Variants in CDKAL1 observed in about 807,000 individuals in gnomAD.
CDKAL1 encodes the protein threonylcarbamoyladenosine tRNA methylthiotransferase.
A neutral mutation model predicts 68.2 loss-of-function variants in CDKAL1; 32 were observed. The observed-to-expected ratio is 0.47, with a 90% confidence interval of 0.35 to 0.63. The LOEUF (loss-of-function observed/expected upper bound fraction) is 0.63, where lower values mean the gene tolerates loss of function less well. Among genes scored for constraint, CDKAL1 ranks in the 30% least tolerant of loss-of-function variants. The probability of loss-of-function intolerance (pLI) is 0.00; values close to 1 mark genes in which losing one functional copy is unlikely to be tolerated. For missense variants in CDKAL1, 606 were observed against 696.7 expected, an observed-to-expected ratio of 0.87 and a Z score of 1.47; for synonymous variants, 234 against 244.3, an observed-to-expected ratio of 0.96 and a Z score of 0.39.
chr6:20,540,201 G>T (rs967710892), intron 2 of CDKAL1, among the ~76,000 whole-genome samples: 3 of 150,790 alleles, frequency 2.0e-5, no homozygotes, highest in Non-Finnish European at 4.4e-5. Flanking sequence ...AGCCTCCCAA[G>T]TAGCTGGGGT....
At position 21,205,743 on chromosome 6, in the gene CDKAL1, G is replaced by A. The variant is rs530573579; in HGVS notation, c.1548+4469G>A. On this transcript the variant is annotated intron_variant, in intron 15 of 15. Coordinates refer to ENST00000274695, the MANE Select transcript of CDKAL1 (RefSeq NM_017774.3). ...AGACGGGGTTTCACTGTGTTAGCCA[G>A]GATGGTCTCGATCTCCTGACCTCGT... is the stretch of plus-strand genomic sequence containing the variant. Among the ~76,000 whole-genome samples the A allele has an allele frequency of 2.6e-3, 392 of 150,712 alleles. 6 individuals are homozygous for A. The highest frequency in any genetic ancestry group is 8.9e-3 in the African/African-American group (365 of 40,866).
At chr6:20,775,618 T>A (rs1334053165) in intron 7 of CDKAL1, among the ~76,000 whole-genome samples, 1 of 152,204 alleles carries the variant, frequency 6.6e-6, no homozygotes, top group East Asian at 1.9e-4. Flanking sequence ...TGGTCCTGAG[T>A]CCTTGTCCTC....
intron 12 of CDKAL1, among the ~76,000 whole-genome samples, chr6:21,106,835 T>G (rs2150989612): frequency 6.6e-6 from 1 of 152,216 alleles, no homozygotes; most frequent in African/African-American, 2.4e-5. Context: ...TTGAAAGTAG[T>G]AATCAATGTT....
intron 4 of CDKAL1, among the ~76,000 whole-genome samples, chr6:20,601,105 C>T (rs1766077544): frequency 6.6e-6 from 1 of 152,040 alleles, no homozygotes; most frequent in Admixed American, 6.6e-5. Flanking sequence ...TCCTCGCTCT[C>T]TCTGTGGCCC....
At chr6:21,212,446 A>G (rs1779188165) in intron 15 of CDKAL1, among the ~76,000 whole-genome samples, 1 of 152,184 alleles carries the variant, frequency 6.6e-6, no homozygotes, top group Admixed American at 6.5e-5. Context: ...GCAAATGGAA[A>G]TTCTTTTCAT....
chr6:20,653,511 G>T (rs892490438), intron 5 of CDKAL1, among the ~76,000 whole-genome samples: 2 of 152,086 alleles, frequency 1.3e-5, no homozygotes, highest in African/African-American at 2.4e-5. Context: ...AAGTGCAGTG[G>T]CAGGATCTCG....
At chr6:20,541,107 G>A (rs1217380570) in intron 2 of CDKAL1, among the ~76,000 whole-genome samples, 2 of 152,212 alleles carry the variant, frequency 1.3e-5, no homozygotes, top group African/African-American at 4.8e-5. Flanking sequence ...TAAGGACGCA[G>A]AATTTTCTAA....
chr6:20,832,945 G>A (rs1777778247), intron 8 of CDKAL1, among the ~76,000 whole-genome samples: 2 of 152,140 alleles, frequency 1.3e-5, no homozygotes, highest in East Asian at 1.9e-4. Context: ...GTGCAATTTT[G>A]TCTCAATCTC....
intron 10 of CDKAL1, among the ~76,000 whole-genome samples, chr6:20,987,127 G>T (rs1319031149): frequency 6.6e-6 from 1 of 152,162 alleles, no homozygotes; most frequent in Non-Finnish European, 1.5e-5. Context: ...TTATGTTTGT[G>T]TTTGGGGTTA....
intron 4 of CDKAL1, among the ~76,000 whole-genome samples, chr6:20,641,959 C>T (rs759977649): frequency 1.1e-4 from 16 of 152,150 alleles, no homozygotes; most frequent in East Asian, 1.9e-4. Flanking sequence ...GTTTCATCAG[C>T]GTAGCCTGCC....
chr6:21,072,010 C>T (rs993526992), intron 12 of CDKAL1, among the ~76,000 whole-genome samples: 4 of 152,172 alleles, frequency 2.6e-5, no homozygotes, highest in African/African-American at 4.8e-5. Flanking sequence ...CACTGGGAAG[C>T]GATACACACA....
At chr6:21,171,845 GATT>G (rs1777401447) in intron 13 of CDKAL1, among the ~76,000 whole-genome samples, 1 of 152,136 alleles carries the variant, frequency 6.6e-6, no homozygotes, top group Non-Finnish European at 1.5e-5. Flanking sequence ...CAGTTCCAAT[GATT>G]AACCCTTTTT....
intron 5 of CDKAL1, among the ~76,000 whole-genome samples, chr6:20,720,835 C>T (rs181440507): frequency 8.5e-5 from 13 of 152,302 alleles, no homozygotes; most frequent in African/African-American, 2.6e-4. Flanking sequence ...TTTTTTAACT[C>T]CCACATGTAA....
intron 15 of CDKAL1, among the ~76,000 whole-genome samples, chr6:21,219,304 T>C (rs1779449576): frequency 6.6e-6 from 1 of 152,228 alleles, no homozygotes; most frequent in African/African-American, 2.4e-5. Context: ...TAGATGACTT[T>C]TGATATCTAA....
intron 10 of CDKAL1, among the ~76,000 whole-genome samples, chr6:20,985,689 G>A (rs1766414015): frequency 6.6e-6 from 1 of 152,152 alleles, no homozygotes; most frequent in Admixed American, 6.5e-5. Context: ...AGAGGCTGAA[G>A]CGGGAGGATC....
chr6:21,059,405 T>C (rs1321688758), intron 11 of CDKAL1, among the ~76,000 whole-genome samples: 1 of 152,242 alleles, frequency 6.6e-6, no homozygotes, highest in Non-Finnish European at 1.5e-5. Flanking sequence ...TGCACAGCTC[T>C]GTGCTTGAGA....
Position 20,838,160 on chromosome 6 carries a change from A to G in CDKAL1, c.639-7915A>G, listed in dbSNP as rs536429832. Among the ~76,000 whole-genome samples the G allele has an allele frequency of 1.8e-4, 28 of 152,216 alleles. 1 individual carries two copies. Among genetic ancestry groups the G allele is most frequent in the African/African-American group, 6.7e-4 (28 of 41,532 alleles). On this transcript the variant is annotated intron_variant, in intron 8 of 15. Transcript: ENST00000274695. Reference sequence around the variant, plus strand: ...ATGGTATATTAGGAATATATCTTACATGGCAGAATTATATTCTTAAAGGAT... The same window carrying G: ...ATGGTATATTAGGAATATATCTTACGTGGCAGAATTATATTCTTAAAGGAT...
At chr6:20,556,072 A>G (rs750245464) in intron 4 of CDKAL1, among the ~76,000 whole-genome samples, 1 of 152,044 alleles carries the variant, frequency 6.6e-6, no homozygotes, top group Non-Finnish European at 1.5e-5. Flanking sequence ...TTTGAAAGTA[A>G]GCTGTTTCTT....
intron 11 of CDKAL1, among the ~76,000 whole-genome samples, chr6:21,027,578 G>A (rs1015499894): frequency 3.3e-5 from 5 of 152,166 alleles, no homozygotes; most frequent in Non-Finnish European, 7.4e-5. Flanking sequence ...GATTAATGCT[G>A]TTATCACCAG....
Sources: gnomAD v4.1 joint callset for allele counts (sites outside exome capture counted in the v4.1 genomes callset) on GRCh38, gnomAD v4.1.1 for gene constraint, MANE v1.5 for transcripts, NCBI Gene and HGNC (gene_info 2026-07-23, HGNC 2026-07-21) for gene names.